Variants in CNTN5 observed in about 807,000 individuals in gnomAD.
The protein encoded by CNTN5 is contactin 5, also known as contactin-5.
Under a neutral mutation model 129.1 loss-of-function variants are expected in CNTN5, and 77 were observed. The ratio of observed to expected loss-of-function variants is 0.60; its 90% CI spans 0.50 to 0.72. The LOEUF is 0.72. CNTN5 is among the 30% of genes least tolerant of loss of function. The probability of loss-of-function intolerance (pLI) is 0.00; values close to 1 mark genes in which losing one functional copy is unlikely to be tolerated. For synonymous variants in CNTN5, 509 were observed against 465.6 expected, an observed-to-expected ratio of 1.09 and a Z score of -1.20; for missense variants, 1,478 against 1,328.8, an observed-to-expected ratio of 1.11 and a Z score of -1.75.
chr11:100,324,246 A>G (rs1018437550), intron 21 of CNTN5, among the ~76,000 whole-genome samples: 1 of 152,128 alleles, frequency 6.6e-6, no homozygotes, highest in Non-Finnish European at 1.5e-5. Context: ...GGGCTGATAC[A>G]AAGTCCTTTC....
At chr11:99,408,868 T>A (rs778224091) in intron 2 of CNTN5, among the ~76,000 whole-genome samples, 3 of 152,202 alleles carry the variant, frequency 2.0e-5, no homozygotes, top group Non-Finnish European at 2.9e-5. Context: ...ATAGGTAATC[T>A]TTAACTATTT....
At chr11:99,793,998 A>G (rs1410824946) in intron 3 of CNTN5, among the ~76,000 whole-genome samples, 1 of 152,106 alleles carries the variant, frequency 6.6e-6, no homozygotes, top group East Asian at 1.9e-4. Context: ...GATCTGTCTA[A>G]TACAGTCAGT....
chr11:99,706,067 T>G lies in CNTN5; in HGVS notation c.56-113477T>G, dbSNP rs191092582. Among the ~76,000 whole-genome samples, 221 of 151,594 alleles carry G rather than the reference T, an allele frequency of 1.5e-3. 1 individual carries two copies. The highest frequency in any genetic ancestry group is 4.9e-3 in the African/African-American group (204 of 41,466). On this transcript the variant is annotated intron_variant, in intron 3 of 24. Transcript: ENST00000524871. Reference sequence around the variant, plus strand: ...TATTTAATAACTGAGCTCTGTTGGCTTATGGGGATTAACATAAAGAGTAAT... The same window carrying G: ...TATTTAATAACTGAGCTCTGTTGGCGTATGGGGATTAACATAAAGAGTAAT...
At chr11:99,302,656 A>G (rs1213427303) in intron 1 of CNTN5, among the ~76,000 whole-genome samples, 1 of 151,718 alleles carries the variant, frequency 6.6e-6, no homozygotes, top group Non-Finnish European at 1.5e-5. Context: ...AACATTAAAA[A>G]TTTTCTAAAT....
chr11:99,726,437 C>CT (rs1278337290), intron 3 of CNTN5, among the ~76,000 whole-genome samples: 4 of 152,112 alleles, frequency 2.6e-5, no homozygotes, highest in African/African-American at 9.7e-5. Flanking sequence ...AGTTTGATAG[C>CT]TCACCGAAAT....
At chr11:99,613,649 G>T (rs1950664002) in intron 3 of CNTN5, among the ~76,000 whole-genome samples, 3 of 151,280 alleles carry the variant, frequency 2.0e-5, no homozygotes, top group African/African-American at 7.3e-5. Flanking sequence ...CTTTATTTTG[G>T]CATTAAATAT....
intron 3 of CNTN5, among the ~76,000 whole-genome samples, chr11:99,582,598 T>C (rs1293538255): frequency 6.6e-6 from 1 of 152,232 alleles, no homozygotes; most frequent in Non-Finnish European, 1.5e-5. Flanking sequence ...GCTGATACCC[T>C]TTCTTCCAGT....
intron 2 of CNTN5, among the ~76,000 whole-genome samples, chr11:99,332,807 A>G (rs1026387629): frequency 1.3e-5 from 2 of 152,092 alleles, no homozygotes; most frequent in Non-Finnish European, 2.9e-5. Context: ...ATCCAAGATC[A>G]CACTGTAAAT....
intron 3 of CNTN5, among the ~76,000 whole-genome samples, chr11:99,740,965 A>G (rs1943870419): frequency 6.6e-6 from 1 of 152,022 alleles, no homozygotes; most frequent in African/African-American, 2.4e-5. Flanking sequence ...ACTACTATTT[A>G]TTTTTGCCAA....
At chr11:99,263,513 GAC>G (rs1336418613) in intron 1 of CNTN5, among the ~76,000 whole-genome samples, 7 of 152,054 alleles carry the variant, frequency 4.6e-5, no homozygotes, top group African/African-American at 1.7e-4. Flanking sequence ...CTGATTATGA[GAC>G]ACATACATTA....
Position 100,356,258 on chromosome 11 carries a change from T to G in CNTN5, c.*38T>G, listed in dbSNP as rs759280657. The stretch of plus-strand genomic sequence containing the variant: ...TAATTTGCTTTTGTTTGCTTTAGCT[T>G]GGTAACAGCGGTGAATAGAGTGTAG... On this transcript the variant is annotated 3_prime_UTR_variant, in exon 25 of 25. Coordinates refer to ENST00000524871, the MANE Select transcript of CNTN5 (RefSeq NM_014361.4). The G allele has an allele frequency of 3.4e-5, 47 of 1,366,582 alleles. No individual in the cohort carries two copies. Among genetic ancestry groups the G allele is most frequent in the Non-Finnish European group, 4.5e-5 (44 of 970,476 alleles). 84.7% of individuals were successfully genotyped at this position (1,366,582 alleles called of 1,614,324 possible).
chr11:99,582,491 A>G (rs1047800047), intron 3 of CNTN5, among the ~76,000 whole-genome samples: 3 of 152,154 alleles, frequency 2.0e-5, no homozygotes, highest in African/African-American at 7.2e-5. Flanking sequence ...GTCTTTTCAC[A>G]TAGTGCCATA....
At chr11:99,828,411 C>A (rs966710673) in intron 4 of CNTN5, among the ~76,000 whole-genome samples, 1 of 152,100 alleles carries the variant, frequency 6.6e-6, no homozygotes, top group Non-Finnish European at 1.5e-5. Flanking sequence ...TGGGGACATT[C>A]GTGCTGTGTC....
chr11:100,109,327 G>A (rs1172141221), intron 13 of CNTN5, among the ~76,000 whole-genome samples: 1 of 152,194 alleles, frequency 6.6e-6, no homozygotes, highest in Non-Finnish European at 1.5e-5. Context: ...TCGGGAGGCT[G>A]AGGCAGGCGA....
chr11:99,765,720 C>T (rs566674152), intron 3 of CNTN5, among the ~76,000 whole-genome samples: 3 of 151,298 alleles, frequency 2.0e-5, no homozygotes, highest in African/African-American at 7.3e-5. Flanking sequence ...AGAGTCTACA[C>T]CTTTTTTGTT....
At chr11:99,214,371 A>T (rs6589957) in intron 1 of CNTN5, among the ~76,000 whole-genome samples, 21,623 of 146,184 alleles carry the variant, frequency 0.15, 1,938 homozygotes, top group East Asian at 0.35. Flanking sequence ...GATACCAAAA[A>T]ATATATATAT....
intron 2 of CNTN5, among the ~76,000 whole-genome samples, chr11:99,496,798 T>A (rs897902780): frequency 6.6e-6 from 1 of 152,180 alleles, no homozygotes; most frequent in Admixed American, 6.5e-5. Flanking sequence ...GTGAAAACAC[T>A]CTCCATTCAT....
chr11:99,849,838 AG>A (rs1308961347), intron 6 of CNTN5, among the ~76,000 whole-genome samples: 2 of 152,140 alleles, frequency 1.3e-5, no homozygotes, highest in Non-Finnish European at 2.9e-5. Context: ...TAACCCTAAT[AG>A]TACTCAATCT....
chr11:99,063,950 C>G (rs1043330341), intron 1 of CNTN5, among the ~76,000 whole-genome samples: 10 of 152,104 alleles, frequency 6.6e-5, no homozygotes, highest in African/African-American at 2.4e-4. Context: ...TCTCATATCA[C>G]ATAAATTTAT....
Sources: gnomAD v4.1 joint callset for allele counts (sites outside exome capture counted in the v4.1 genomes callset) on GRCh38, gnomAD v4.1.1 for gene constraint, MANE v1.5 for transcripts, NCBI Gene and HGNC (gene_info 2026-07-23, HGNC 2026-07-21) for gene names.